The following SLC39A11 variants were observed in gnomAD, a reference collection of about 807,000 sequenced individuals.
SLC39A11 encodes the protein zinc transporter ZIP11.
SLC39A11 carries 33 observed loss-of-function variants against 36.1 expected under a neutral mutation model. The observed-to-expected ratio is 0.91, with a 90% CI of 0.69 to 1.22. The LOEUF (loss-of-function observed/expected upper bound fraction) is 1.22. Among genes scored for constraint, SLC39A11 ranks in the 50% most tolerant of loss-of-function variants. SLC39A11 has a pLI of 0.00. For synonymous variants in SLC39A11, 166 were observed against 170.3 expected (o/e 0.97, Z 0.20); for missense variants, 432 against 430.3 (o/e 1.00, Z -0.03).
chr17:72,822,246 C>CTA (rs199866619), intron 6 of SLC39A11, among the ~76,000 whole-genome samples: 20 of 145,250 alleles, frequency 1.4e-4, no homozygotes, highest in African/African-American at 2.8e-4. Context: ...TACACACATA[C>CTA]TATATATATA....
intron 4 of SLC39A11, among the ~76,000 whole-genome samples, chr17:72,954,906 G>A (rs60937494): frequency 2.9e-3 from 435 of 152,194 alleles, no homozygotes; most frequent in Non-Finnish European, 5.0e-3. Context: ...GCAGGTCACC[G>A]CTGTCTTCTT....
chr17:72,922,629 A>T (rs1204180526), intron 5 of SLC39A11, among the ~76,000 whole-genome samples: 3 of 152,244 alleles, frequency 2.0e-5, no homozygotes, highest in Non-Finnish European at 2.9e-5. Context: ...CTCAATGAGT[A>T]GAACTACTGC....
chr17:73,021,602 C>T (rs2058354564), intron 4 of SLC39A11, among the ~76,000 whole-genome samples: 1 of 152,110 alleles, frequency 6.6e-6, no homozygotes, highest in South Asian at 2.1e-4. Flanking sequence ...GCTGGGATTA[C>T]CAACGTGAGC....
chr17:73,047,984 AAAAAAAATAT>A (rs1231636907), intron 3 of SLC39A11, among the ~76,000 whole-genome samples: 1 of 46,472 alleles, frequency 2.2e-5, no homozygotes, highest in African/African-American at 6.8e-5. Context: ...AAAAAAAAAA[AAAAAAAATAT>A]ATATATATAT....
intron 7 of SLC39A11, among the ~76,000 whole-genome samples, chr17:72,698,975 C>T (rs984687580): frequency 3.3e-5 from 5 of 152,106 alleles, no homozygotes; most frequent in African/African-American, 4.8e-5. Flanking sequence ...GGACTACAGG[C>T]GCCCGCCACC....
chr17:72,843,942 T>G (rs2078936182), intron 6 of SLC39A11, among the ~76,000 whole-genome samples: 1 of 152,108 alleles, frequency 6.6e-6, no homozygotes, highest in African/African-American at 2.4e-5. Context: ...AAGCCTTCCA[T>G]TTTCCTTCTA....
chr17:73,034,288 T>A (rs1404114688), intron 3 of SLC39A11, among the ~76,000 whole-genome samples: 1 of 152,164 alleles, frequency 6.6e-6, no homozygotes, highest in Admixed American at 6.5e-5. Context: ...AGTGGTGCAA[T>A]CTCCGTTCAC....
At chr17:72,969,933 T>A (rs557957519) in intron 4 of SLC39A11, among the ~76,000 whole-genome samples, 1 of 152,230 alleles carries the variant, frequency 6.6e-6, no homozygotes, top group Non-Finnish European at 1.5e-5. Flanking sequence ...CCTCCTAAAA[T>A]GAAATCTTCC....
chr17:72,686,470 G>A (rs963014177), intron 7 of SLC39A11, among the ~76,000 whole-genome samples: 3 of 152,132 alleles, frequency 2.0e-5, no homozygotes, highest in Admixed American at 6.5e-5. Context: ...CTCTTGGCTC[G>A]TTCGTGATAG....
intron 4 of SLC39A11, among the ~76,000 whole-genome samples, chr17:72,949,344 G>A (rs1050470520): frequency 1.3e-5 from 2 of 151,338 alleles, no homozygotes; most frequent in Non-Finnish European, 3.0e-5. Flanking sequence ...TGTTTTTAGT[G>A]GAGATAGGGT....
intron 5 of SLC39A11, among the ~76,000 whole-genome samples, chr17:72,945,062 T>TGGATGGATGGATGGATGGAC (rs2085349093): frequency 1.3e-5 from 2 of 151,890 alleles, no homozygotes; most frequent in African/African-American, 4.8e-5. Context: ...GATGGATGGA[T>TGGATGGATGGATGGATGGAC]GGATGGATGG....
rs572035752 is a variant in SLC39A11, at chr17:72,900,144, G to A, written c.430+47608C>T. Among the ~76,000 whole-genome samples, 15 of 19,054 alleles carry A rather than the reference G, an allele frequency of 7.9e-4. 1 individual carries two copies. In the East Asian group the frequency reaches 0.026, roughly 33 times the overall value. The allele number at this position is 19,054 out of a possible 152,430, so 12.5% of individuals were successfully genotyped here. On this transcript the variant is annotated intron_variant, in intron 5 of 9. Coordinates refer to ENST00000255559, the MANE Select transcript of SLC39A11 (RefSeq NM_139177.4). ...AAGAAAAGAAAGAAAGAAAGAAAAA[G>A]AAAGAAAGAAAAGAAAGAAAGAAAG...
chr17:72,654,044 C>A (rs571058907), intron 7 of SLC39A11, among the ~76,000 whole-genome samples: 43 of 152,152 alleles, frequency 2.8e-4, no homozygotes, highest in African/African-American at 1.0e-3. Flanking sequence ...CGTGTGTGTG[C>A]GGAAGGGTGG....
chr17:72,700,563 C>G (rs1353197957), intron 7 of SLC39A11, among the ~76,000 whole-genome samples: 1 of 152,164 alleles, frequency 6.6e-6, no homozygotes, highest in Non-Finnish European at 1.5e-5. Context: ...GTCCCCAGGC[C>G]TTAATGAAGG....
intron 6 of SLC39A11, among the ~76,000 whole-genome samples, chr17:72,834,389 AG>A (rs1451704839): frequency 6.6e-6 from 1 of 152,234 alleles, no homozygotes; most frequent in African/African-American, 2.4e-5. Flanking sequence ...TGGGAAGCTG[AG>A]GCGGGTGGAT....
At chr17:73,059,815 A>C (rs2059783599) in intron 3 of SLC39A11, among the ~76,000 whole-genome samples, 1 of 152,184 alleles carries the variant, frequency 6.6e-6, no homozygotes, top group East Asian at 1.9e-4. Flanking sequence ...AGGTTGCCCC[A>C]AAATGAGAAA....
chr17:72,712,935 G>A (rs1011247629), intron 7 of SLC39A11: 4 of 152,310 alleles, frequency 2.6e-5, no homozygotes, highest in Admixed American at 1.3e-4. Flanking sequence ...GTCAGTCGGT[G>A]TCAGGAAGGC....
At position 72,751,427 on chromosome 17, in the gene SLC39A11, T is replaced by C. The variant is rs558023661; in HGVS notation, c.602-14708A>G. On this transcript the variant is annotated intron_variant, in intron 6 of 9. Coordinates refer to ENST00000255559, the MANE Select transcript of SLC39A11 (RefSeq NM_139177.4). Reference sequence around the variant, plus strand: ...TCTAGGTTTTAATTAGGTTCTTTCCTTCCTTCCTCCCTTTCTTATTACCAT... The same window carrying C: ...TCTAGGTTTTAATTAGGTTCTTTCCCTCCTTCCTCCCTTTCTTATTACCAT... Among the ~76,000 whole-genome samples, 12 of 152,310 alleles carry C rather than the reference T, an allele frequency of 7.9e-5. No individual in the cohort carries two copies. The South Asian group carries it at 1.9e-3, about 24-fold the overall frequency.
At chr17:72,708,552 C>T (rs527765074) in intron 7 of SLC39A11, among the ~76,000 whole-genome samples, 11 of 152,310 alleles carry the variant, frequency 7.2e-5, no homozygotes, top group Non-Finnish European at 1.3e-4. Flanking sequence ...TACATCATGT[C>T]ATTCTTGCCT....
Sources: allele counts gnomAD v4.1 joint callset (sites outside exome capture counted in the v4.1 genomes callset), GRCh38; gene constraint gnomAD v4.1.1; transcripts MANE v1.5; gene names NCBI Gene and HGNC (gene_info 2026-07-23, HGNC 2026-07-21).